Variants in CUL1 observed in about 807,000 individuals in gnomAD.
CUL1 encodes cullin-1.
A neutral mutation model predicts 118.0 loss-of-function variants in CUL1; 24 were observed. The observed-to-expected ratio is 0.20, with a 90% CI of 0.15 to 0.29. The LOEUF is 0.29. Among genes scored for constraint, CUL1 ranks in the 10% least tolerant of loss-of-function variants. The pLI, the probability that CUL1 is intolerant of heterozygous loss-of-function variation, is 1.00. For synonymous variants in CUL1, 332 were observed against 340.4 expected (o/e 0.98, Z 0.27); for missense variants, 361 against 933.8 (o/e 0.39, Z 7.99).
chr7:148,764,033 C>T (rs1306761875), intron 7 of CUL1, among the ~76,000 whole-genome samples: 2 of 152,206 alleles, frequency 1.3e-5, no homozygotes, highest in East Asian at 3.8e-4. Flanking sequence ...TTGACTGTCT[C>T]ATGCGATTGA....
chr7:148,746,746 G>GCATTCTTT (rs1799320334), intron 2 of CUL1, among the ~76,000 whole-genome samples: 1 of 152,178 alleles, frequency 6.6e-6, no homozygotes, highest in African/African-American at 2.4e-5. Context: ...GTAAGTAAAA[G>GCATTCTTT]TAAAAATTCC....
intron 2 of CUL1, among the ~76,000 whole-genome samples, chr7:148,750,911 T>TAGCCTGCTATGATCAC (rs1285759289): frequency 6.6e-6 from 1 of 151,664 alleles, no homozygotes; most frequent in Non-Finnish European, 1.5e-5. Context: ...TTTGAGGCAG[T>TAGCCTGCTATGATCAC]AGCCTGCTAT....
At chr7:148,775,488 T>TC (rs1377231936) in intron 9 of CUL1, among the ~76,000 whole-genome samples, 1 of 152,220 alleles carries the variant, frequency 6.6e-6, no homozygotes, top group Non-Finnish European at 1.5e-5. Flanking sequence ...ATTTTGAACA[T>TC]ATTGAAAATT....
intron 1 of CUL1, among the ~76,000 whole-genome samples, chr7:148,727,635 C>T (rs1022381243): frequency 6.6e-6 from 1 of 152,104 alleles, no homozygotes; most frequent in Non-Finnish European, 1.5e-5. Context: ...TCTTCTGGGA[C>T]TTCCTAGTAA....
At chr7:148,744,972 G>T (rs1321946859) in intron 2 of CUL1, among the ~76,000 whole-genome samples, 1 of 151,820 alleles carries the variant, frequency 6.6e-6, no homozygotes, top group African/African-American at 2.4e-5. Flanking sequence ...AGAAGTTACT[G>T]GTCATGTGAA....
chr7:148,795,486 G>T (rs906948406), intron 17 of CUL1, among the ~76,000 whole-genome samples: 1 of 151,938 alleles, frequency 6.6e-6, no homozygotes, highest in Admixed American at 6.5e-5. Context: ...ACTAAGTACC[G>T]CAGGGTGTGG....
At chr7:148,746,302 C>T (rs1799307894) in intron 2 of CUL1, among the ~76,000 whole-genome samples, 1 of 152,204 alleles carries the variant, frequency 6.6e-6, no homozygotes, top group African/African-American at 2.4e-5. Context: ...AGTCAGTGCA[C>T]ATAGTACAGT....
intron 8 of CUL1, among the ~76,000 whole-genome samples, chr7:148,767,190 A>G (rs557356626): frequency 6.6e-6 from 1 of 152,352 alleles, no homozygotes; most frequent in South Asian, 2.1e-4. Flanking sequence ...ATTTGTTTTT[A>G]TAATTGAGAT....
At chr7:148,740,101 G>A (rs550848509) in intron 2 of CUL1, among the ~76,000 whole-genome samples, 7 of 150,418 alleles carry the variant, frequency 4.7e-5, no homozygotes, top group South Asian at 2.1e-4. Flanking sequence ...TGCCCAGGCC[G>A]GAGTGCAATG....
chr7:148,745,607 A>G (rs939176142), intron 2 of CUL1, among the ~76,000 whole-genome samples: 17 of 152,234 alleles, frequency 1.1e-4, no homozygotes, highest in Non-Finnish European at 2.4e-4. Context: ...CAGAGGCTCC[A>G]TAGTGACTAT....
At chr7:148,783,526 T>C (rs1800719686) in intron 9 of CUL1, 1 of 1,350,020 alleles carries the variant, frequency 7.4e-7, no homozygotes, top group Non-Finnish European at 9.5e-7. Flanking sequence ...GTTTTCACTG[T>C]TTTTAATGCA....
intron 17 of CUL1, among the ~76,000 whole-genome samples, chr7:148,795,335 T>G (rs985915538): frequency 6.6e-6 from 1 of 151,942 alleles, no homozygotes; most frequent in Non-Finnish European, 1.5e-5. Flanking sequence ...TTTCACTGTG[T>G]TGCCCAGATT....
chr7:148,795,408 A>G (rs1416295378), intron 17 of CUL1, among the ~76,000 whole-genome samples: 1 of 151,844 alleles, frequency 6.6e-6, no homozygotes, highest in Non-Finnish European at 1.5e-5. Context: ...CTGGGATTAC[A>G]CAGGCATGAG....
intron 2 of CUL1, among the ~76,000 whole-genome samples, chr7:148,737,788 A>G (rs1343918631): frequency 6.6e-6 from 1 of 151,718 alleles, no homozygotes; most frequent in African/African-American, 2.4e-5. Flanking sequence ...TTTAGTAGAT[A>G]CGGGGTTTCA....
At chr7:148,767,844 G>A in intron 9 of CUL1, 95 bp downstream of exon 9, 2 of 1,257,892 alleles carry the variant, frequency 1.6e-6, no homozygotes, top group Non-Finnish European at 2.2e-6. Context: ...AATCTAAATG[G>A]TACCATTTTC....
chr7:148,777,727 G>A (rs1455581990), intron 9 of CUL1, among the ~76,000 whole-genome samples: 1 of 151,980 alleles, frequency 6.6e-6, no homozygotes, highest in African/African-American at 2.4e-5. Flanking sequence ...TGGGGGAGGA[G>A]CATTTTCTTG....
chr7:148,794,980 C>T (rs576951517), intron 17 of CUL1, among the ~76,000 whole-genome samples: 5 of 151,806 alleles, frequency 3.3e-5, no homozygotes, highest in South Asian at 4.2e-4. Flanking sequence ...TACAGGCGTG[C>T]GCCACCATGC....
At chr7:148,723,277 G>A (rs1021631922) in intron 1 of CUL1, among the ~76,000 whole-genome samples, 3 of 152,092 alleles carry the variant, frequency 2.0e-5, no homozygotes, top group South Asian at 4.2e-4. Flanking sequence ...TCTGTCTGCC[G>A]TATTCCCCTG....
At chr7:148,704,104 T>C (rs977944758) in intron 1 of CUL1, among the ~76,000 whole-genome samples, 1 of 151,828 alleles carries the variant, frequency 6.6e-6, no homozygotes, top group Admixed American at 6.6e-5. Context: ...TACAAGCAAA[T>C]TTACTTTCCT....
Sources: gnomAD v4.1 joint callset for allele counts (sites outside exome capture counted in the v4.1 genomes callset) on GRCh38, gnomAD v4.1.1 for gene constraint, MANE v1.5 for transcripts, NCBI Gene and HGNC (gene_info 2026-07-23, HGNC 2026-07-21) for gene names.